The following CACNB2 variants were observed in gnomAD, a reference collection of about 807,000 sequenced individuals.
The protein encoded by CACNB2 is voltage-dependent L-type calcium channel subunit beta-2.
Under a neutral mutation model 73.3 loss-of-function variants are expected in CACNB2, and 42 were observed. That is an observed-to-expected ratio of 0.57 (90% confidence interval 0.45 to 0.74). The LOEUF (loss-of-function observed/expected upper bound fraction) is 0.74. CACNB2 is among the 30% of genes least tolerant of loss of function. CACNB2 has a pLI of 0.00. For synonymous variants in CACNB2, 348 were observed against 310.3 expected, an observed-to-expected ratio of 1.12 and a Z score of -1.28; for missense variants, 940 against 853.0, an observed-to-expected ratio of 1.10 and a Z score of -1.27.
At chr10:18,284,650 G>T (rs1269530920) in intron 2 of CACNB2, among the ~76,000 whole-genome samples, 1 of 152,172 alleles carries the variant, frequency 6.6e-6, no homozygotes, top group Non-Finnish European at 1.5e-5. Flanking sequence ...GCATACTGAT[G>T]ACAACTTCTG....
chr10:18,259,859 A>G (rs368457042), intron 2 of CACNB2, among the ~76,000 whole-genome samples: 198 of 152,264 alleles, frequency 1.3e-3, no homozygotes, highest in South Asian at 4.4e-3. Context: ...GCAGTGAGCC[A>G]TGATTGCACC....
intron 3 of CACNB2, among the ~76,000 whole-genome samples, chr10:18,482,713 C>T (rs979700029): frequency 6.6e-5 from 10 of 151,908 alleles, no homozygotes; most frequent in South Asian, 4.2e-4. Context: ...GGTTTCACCA[C>T]GTTGGGCAGG....
chr10:18,499,193 T>C (rs2133017678), intron 4 of CACNB2, among the ~76,000 whole-genome samples: 1 of 152,324 alleles, frequency 6.6e-6, no homozygotes, highest in African/African-American at 2.4e-5. Context: ...AGGTTTTTCT[T>C]GGACCTGAAG....
intron 2 of CACNB2, among the ~76,000 whole-genome samples, chr10:18,250,510 C>T (rs2037046215): frequency 1.3e-5 from 2 of 151,634 alleles, no homozygotes; most frequent in South Asian, 4.2e-4. Flanking sequence ...AGGAGGTCTG[C>T]CTATTGTCAA....
chr10:18,261,264 C>A (rs1456560706), intron 2 of CACNB2: 7 of 1,551,148 alleles, frequency 4.5e-6, no homozygotes, highest in Non-Finnish European at 6.1e-6. Flanking sequence ...GTTCTGCCCC[C>A]TCTTCATGCA....
At chr10:18,184,888 G>A (rs2034077726) in intron 2 of CACNB2, among the ~76,000 whole-genome samples, 1 of 152,072 alleles carries the variant, frequency 6.6e-6, no homozygotes, top group Non-Finnish European at 1.5e-5. Flanking sequence ...TGCCCAGGCT[G>A]GAGTGCAGTG....
intron 3 of CACNB2, among the ~76,000 whole-genome samples, chr10:18,434,528 C>T (rs1589343028): frequency 1.3e-5 from 2 of 152,078 alleles, no homozygotes; most frequent in African/African-American, 2.4e-5. Context: ...GTTTTAGTCT[C>T]GTGACCACTT....
chr10:18,516,584 G>A (rs971897906), intron 7 of CACNB2, among the ~76,000 whole-genome samples: 2 of 152,234 alleles, frequency 1.3e-5, no homozygotes, highest in Non-Finnish European at 2.9e-5. Flanking sequence ...AACGTTTTCA[G>A]TATGATCCCA....
intron 2 of CACNB2, among the ~76,000 whole-genome samples, chr10:18,211,764 G>T (rs1365561115): frequency 6.6e-6 from 1 of 152,140 alleles, no homozygotes; most frequent in Non-Finnish European, 1.5e-5. Context: ...TACACATGGA[G>T]CAGTTCATTC....
At chr10:18,344,147 G>A (rs866492233) in intron 2 of CACNB2, among the ~76,000 whole-genome samples, 1 of 151,712 alleles carries the variant, frequency 6.6e-6, no homozygotes, top group African/African-American at 2.4e-5. Context: ...TAAGGCTGCA[G>A]GCTTCTACAT....
chr10:18,288,238 A>G (rs1368307563), intron 2 of CACNB2, among the ~76,000 whole-genome samples: 2 of 152,224 alleles, frequency 1.3e-5, no homozygotes, highest in Non-Finnish European at 2.9e-5. Context: ...TCAAACCCAT[A>G]ACAACATCAG....
intron 2 of CACNB2, among the ~76,000 whole-genome samples, chr10:18,214,072 T>G (rs73595546): frequency 0.14 from 20,910 of 152,082 alleles, 2,321 homozygotes; most frequent in African/African-American, 0.3. Context: ...AAAGAATTTC[T>G]TATTTAAATT....
intron 2 of CACNB2, among the ~76,000 whole-genome samples, chr10:18,182,508 A>C (rs1269573113): frequency 6.8e-6 from 1 of 146,912 alleles, no homozygotes; most frequent in African/African-American, 2.5e-5. Context: ...AAAGCATTTC[A>C]GGAAGAAGAT....
chr10:18,337,578 T>C (rs1564447749), intron 2 of CACNB2, among the ~76,000 whole-genome samples: 2 of 152,196 alleles, frequency 1.3e-5, no homozygotes, highest in Non-Finnish European at 2.9e-5. Flanking sequence ...CAAAGAAGCA[T>C]AGAAAATATT....
chr10:18,152,806 T>G (rs1462529923), intron 2 of CACNB2, among the ~76,000 whole-genome samples: 1 of 151,120 alleles, frequency 6.6e-6, no homozygotes, highest in Non-Finnish European at 1.5e-5. Context: ...AAGCCGCTTG[T>G]TGAAATTGCA....
chr10:18,303,697 G>C (rs1282743750), intron 2 of CACNB2, among the ~76,000 whole-genome samples: 1 of 152,132 alleles, frequency 6.6e-6, no homozygotes, highest in Non-Finnish European at 1.5e-5. Context: ...AAAATACTGA[G>C]AGGCAACACC....
intron 3 of CACNB2, among the ~76,000 whole-genome samples, chr10:18,426,308 A>G (rs1207330623): frequency 1.3e-5 from 2 of 152,158 alleles, no homozygotes; most frequent in Non-Finnish European, 1.5e-5. Context: ...GATAAAGGTC[A>G]TATATTTTTT....
intron 2 of CACNB2, among the ~76,000 whole-genome samples, chr10:18,356,279 G>A (rs1417530094): frequency 6.6e-6 from 1 of 152,112 alleles, no homozygotes; most frequent in Non-Finnish European, 1.5e-5. Context: ...TTTGCATCAC[G>A]CTAGCTCTGG....
chr10:18,264,096 G>C (rs2131609656), intron 2 of CACNB2, among the ~76,000 whole-genome samples: 2 of 152,312 alleles, frequency 1.3e-5, no homozygotes, highest in Admixed American at 1.3e-4. Context: ...GTGCATTTCT[G>C]TGAAACACTT....
Sources: allele counts gnomAD v4.1 joint callset (sites outside exome capture counted in the v4.1 genomes callset), GRCh38; gene constraint gnomAD v4.1.1; transcripts MANE v1.5; gene names NCBI Gene and HGNC (gene_info 2026-07-23, HGNC 2026-07-21).